The following CES4A variants were observed in gnomAD, a reference collection of about 807,000 sequenced individuals.
The protein encoded by CES4A is carboxylesterase 6.
CES4A carries 48 observed loss-of-function variants against 65.4 expected under a neutral mutation model. That is an observed-to-expected ratio of 0.73 (90% CI 0.58 to 0.93). The LOEUF (loss-of-function observed/expected upper bound fraction) is 0.93. Ranked by LOEUF, CES4A falls within the 40% of genes least tolerant of loss-of-function variation. CES4A has a pLI of 0.00. For missense variants in CES4A, 685 were observed against 728.5 expected, an observed-to-expected ratio of 0.94 and a Z score of 0.69; for synonymous variants, 247 against 281.8, an observed-to-expected ratio of 0.88 and a Z score of 1.24.
At chr16:67,004,021 A>G in intron 8 of CES4A, 63 bp from the exon 9 acceptor site, 2 of 1,571,660 alleles carry the variant, frequency 1.3e-6, no homozygotes, top group Non-Finnish European at 1.7e-6. Context: ...GGGGCACCCA[A>G]GGTTGCAGGG....
chr16:67,003,256 A>G lies in CES4A; in HGVS notation c.796A>G (p.Lys266Glu), dbSNP rs756693917. 6.2e-7 allele frequency: 1 copy of G among 1,614,096 alleles called. No homozygotes were observed. Among genetic ancestry groups the G allele is most frequent in the South Asian group, 1.1e-5 (1 of 91,088 alleles). Residue 266 changes from lysine (K) to glutamate (E), a missense_variant and splice_region_variant, in exon 7 of 14, where the codon AAG (lysine) becomes GAG (glutamate). Lys to Glu is a moderately conservative substitution (Grantham distance 56). Coordinates refer to ENST00000648724, the Ensembl canonical transcript of CES4A. The surrounding 1 kb of genome is among the most constrained non-coding windows in gnomAD (Gnocchi z 4.2). Reference sequence around the variant, plus strand: ...TGAGCATCCTTTCTTCTCTCTATAGAAGGTTGCCCACCTGGCTGGATGCAA... The same window carrying G: ...TGAGCATCCTTTCTTCTCTCTATAGGAGGTTGCCCACCTGGCTGGATGCAA...
chr16:67,002,465 G>A (rs1163738868), intron 5 of CES4A, among the ~76,000 whole-genome samples: 1 of 152,140 alleles, frequency 6.6e-6, no homozygotes, highest in African/African-American at 2.4e-5. Context: ...TAAAGCAGGG[G>A]CAGGAAAGAT....
At chr16:67,009,227 A>G in exon 14 of CES4A, 1 of 1,345,066 alleles carries the variant, frequency 7.4e-7, no homozygotes, top group African/African-American at 1.5e-5. Context: ...ATACCTGGGG[A>G]CAAGAGTTCT....
At chr16:67,006,918 A>C in intron 13 of CES4A, 101 bp downstream of exon 13, 2 of 1,163,832 alleles carry the variant, frequency 1.7e-6, no homozygotes, top group Non-Finnish European at 2.5e-6. Context: ...TCCTACAGGA[A>C]CTGCCCAGTC....
intron 10 of CES4A, 77 bp downstream of exon 10, chr16:67,004,950 C>T: frequency 8.6e-7 from 1 of 1,166,944 alleles, no homozygotes. Context: ...AGTAGCTGCT[C>T]TTTGCAAAGG....
chr16:66,996,050 T>G, intron 2 of CES4A: 1 of 664,736 alleles, frequency 1.5e-6, no homozygotes, highest in Admixed American at 2.1e-5. Flanking sequence ...TTTGTTTTTG[T>G]TTTTTTTAGA....
chr16:67,001,237 C>T lies in CES4A; in HGVS notation c.537-71C>T. On this transcript the variant is annotated intron_variant, in intron 4 of 13. Transcript: ENST00000648724. This position sits in a 1 kb window ranked among gnomAD's most constrained non-coding sequence, Gnocchi z 4.1. ...GCAAGGCTGGGCTGGGTGGGGGAAG[C>T]CCAGGAGGGCAGCCCAACGCGCCCC... 1 of 1,490,326 alleles carries T rather than the reference C, an allele frequency of 6.7e-7. No homozygotes were observed. The highest frequency in any genetic ancestry group is 1.4e-5 in the African/African-American group (1 of 72,062). 92.3% of individuals were successfully genotyped at this position (1,490,326 alleles called of 1,614,324 possible).
intron 1 of CES4A, among the ~76,000 whole-genome samples, chr16:66,991,241 T>G (rs1188315701): frequency 6.6e-6 from 1 of 152,112 alleles, no homozygotes; most frequent in Non-Finnish European, 1.5e-5. Context: ...GCCAGGCTGG[T>G]CTCGAACTCC....
exon 11 of CES4A, chr16:67,005,344 A>T: frequency 6.2e-7 from 1 of 1,614,190 alleles, no homozygotes; most frequent in Non-Finnish European, 8.5e-7. Flanking sequence ...ACATAGTTCA[A>T]GATGCCACTT....
In CES4A at chr16:67,003,648, C is replaced by T; in HGVS notation, c.939+95C>T. 1.0e-6 allele frequency: 1 copy of T among 994,430 alleles called. No homozygotes were observed. The highest frequency in any genetic ancestry group is 1.3e-5 in the South Asian group (1 of 78,064). 61.6% of individuals were successfully genotyped at this position (994,430 alleles called of 1,614,324 possible). ...TTAGGGAATTGTTCAGGCCAAGATC[C>T]CTTCCCTAGTGGAGCTGATGTTCCA... On this transcript the variant is annotated intron_variant, in intron 8 of 13. Transcript: ENST00000648724. The surrounding 1 kb of genome is among the most constrained non-coding windows in gnomAD (Gnocchi z 4.2).
Position 67,003,761 on chromosome 16 carries a change from A to G in CES4A, c.939+208A>G, listed in dbSNP as rs1462998154. On this transcript the variant is annotated intron_variant, in intron 8 of 13. Coordinates refer to ENST00000648724, the Ensembl canonical transcript of CES4A. This position sits in a 1 kb window ranked among gnomAD's most constrained non-coding sequence, Gnocchi z 4.2. Reference sequence around the variant, plus strand: ...TGAATAGCAAGGAATGGAGAGGGTAAAGGGGTTGGACATTTTGGGAGGTAT... The same window carrying G: ...TGAATAGCAAGGAATGGAGAGGGTAGAGGGGTTGGACATTTTGGGAGGTAT... 9.2e-5 allele frequency among the ~76,000 whole-genome samples: 14 copies of G among 152,190 alleles called. No individual in the cohort carries two copies. Among genetic ancestry groups the G allele is most frequent in the Admixed American group, 9.2e-4 (14 of 15,274 alleles).
Position 67,006,822 on chromosome 16 carries a change from G to A in CES4A, c.1517+5G>A. The A allele has an allele frequency of 6.2e-7, 1 of 1,613,968 alleles. No homozygotes were observed. The highest frequency in any genetic ancestry group is 8.5e-7 in the Non-Finnish European group (1 of 1,179,904). Reference sequence around the variant, plus strand: ...GGCCAACTTTGCCCGCACAGGGTGAGTCTGCCCCCCAGCACATCTGGGCAT... The same window carrying A: ...GGCCAACTTTGCCCGCACAGGGTGAATCTGCCCCCCAGCACATCTGGGCAT... On this transcript the variant is annotated splice_donor_5th_base_variant and intron_variant, in intron 13 of 13. Transcript: ENST00000648724.
chr16:67,009,309 G>A, exon 14 of CES4A: 1 of 635,834 alleles, frequency 1.6e-6, no homozygotes, highest in Non-Finnish European at 2.7e-6. Context: ...TGCCTGTTGT[G>A]TGGGACCTGC....
chr16:67,001,507 C>T lies in CES4A; in HGVS notation c.690+46C>T, dbSNP rs745865753. 1.5e-5 allele frequency: 23 copies of T among 1,539,904 alleles called. No individual in the cohort carries two copies. Among genetic ancestry groups the T allele is most frequent in the Middle Eastern group, 1.7e-4 (1 of 5,728 alleles). On this transcript the variant is annotated intron_variant, in intron 5 of 13. Transcript: ENST00000648724. The surrounding 1 kb of genome is among the most constrained non-coding windows in gnomAD (Gnocchi z 4.1). ...GACCGAGCACAGACTTAGGCTCCTG[C>T]GTTCCCACAAATGTATGCTCCACTG...
chr16:67,001,594 C>T lies in CES4A; in HGVS notation c.690+133C>T. Reference sequence around the variant, plus strand: ...GCCTGCCACAGAAATGCTCTCGCCCCTGCCAAGGGTACAGCCCCTCATAGC... The same window carrying T: ...GCCTGCCACAGAAATGCTCTCGCCCTTGCCAAGGGTACAGCCCCTCATAGC... On this transcript the variant is annotated intron_variant, in intron 5 of 13. Transcript: ENST00000648724. This position sits in a 1 kb window ranked among gnomAD's most constrained non-coding sequence, Gnocchi z 4.1. The T allele has an allele frequency of 9.2e-7, 1 of 1,089,782 alleles. No homozygotes were observed. The highest frequency in any genetic ancestry group is 1.3e-6 in the Non-Finnish European group (1 of 777,258). The allele number at this position is 1,089,782 out of a possible 1,614,324, so 67.5% of individuals were successfully genotyped here.
chr16:67,002,251 C>T (rs1597085968), intron 5 of CES4A, among the ~76,000 whole-genome samples: 1 of 152,104 alleles, frequency 6.6e-6, no homozygotes, highest in African/African-American at 2.4e-5. Context: ...CCATTACCTC[C>T]GCCTCCCGGG....
intron 1 of CES4A, among the ~76,000 whole-genome samples, chr16:66,993,760 G>A (rs1275249169): frequency 2.6e-5 from 4 of 152,274 alleles, no homozygotes; most frequent in South Asian, 2.1e-4. Flanking sequence ...GCATATATGC[G>A]TGTATGATTT....
Position 67,003,348 on chromosome 16 carries a change from G to A in CES4A, c.888G>A (p.Val296=), listed in dbSNP as rs762848487. 3.7e-6 allele frequency: 6 copies of A among 1,613,720 alleles called. No individual in the cohort carries two copies. The Admixed American group carries it at 6.7e-5, about 18-fold the overall frequency. ...TATCAGGGACCAAGGTGATGCGTGT[G>A]TCCAACAAGATGGTAGGTAGAACAT... is the stretch of plus-strand genomic sequence containing the variant. The change falls in exon 7 of 14, where the codon GTG becomes GTA. Residue 296 remains valine, a synonymous_variant. Transcript: ENST00000648724. The surrounding 1 kb of genome is among the most constrained non-coding windows in gnomAD (Gnocchi z 4.2).
intron 2 of CES4A, among the ~76,000 whole-genome samples, chr16:66,998,918 T>C (rs1965074992): frequency 6.6e-6 from 1 of 151,270 alleles, no homozygotes; most frequent in South Asian, 2.1e-4. Flanking sequence ...TGGTCAACCA[T>C]GTTGAGGGCT....
Sources: gnomAD v4.1 joint callset for allele counts (sites outside exome capture counted in the v4.1 genomes callset) on GRCh38, gnomAD v4.1.1 for gene constraint, Gnocchi (gnomAD v3.1) non-coding constraint, MANE v1.5 for transcripts, NCBI Gene and HGNC (gene_info 2026-07-23, HGNC 2026-07-21) for gene names.